Variants in TSPAN5 observed in about 807,000 individuals in gnomAD.
TSPAN5 encodes tetraspanin 5.
In TSPAN5, 10 loss-of-function variants were observed where a neutral mutation model predicts 37.1. The observed-to-expected ratio is 0.27, with a 90% CI of 0.17 to 0.46. The LOEUF (loss-of-function observed/expected upper bound fraction) is 0.46. Ranked by LOEUF, TSPAN5 falls within the 20% of genes least tolerant of loss-of-function variation. The probability of loss-of-function intolerance (pLI) is 1.00; values close to 1 mark genes in which losing one functional copy is unlikely to be tolerated. For synonymous variants in TSPAN5, 110 were observed against 118.9 expected, an observed-to-expected ratio of 0.93 and a Z score of 0.48; for missense variants, 195 against 326.6, an observed-to-expected ratio of 0.60 and a Z score of 3.11.
At chr4:98,627,024 A>G (rs1756619375) in intron 1 of TSPAN5, among the ~76,000 whole-genome samples, 1 of 151,848 alleles carries the variant, frequency 6.6e-6, no homozygotes, top group Non-Finnish European at 1.5e-5. Context: ...TACTTGATTA[A>G]TGAAGCATTG....
intron 1 of TSPAN5, among the ~76,000 whole-genome samples, chr4:98,510,542 GT>G (rs796963461): frequency 3.9e-4 from 60 of 152,216 alleles, no homozygotes; most frequent in African/African-American, 1.4e-3. Context: ...TTTAAATAAA[GT>G]TTTCGTCTCT....
At chr4:98,629,066 A>G (rs1756682043) in intron 1 of TSPAN5, among the ~76,000 whole-genome samples, 1 of 152,220 alleles carries the variant, frequency 6.6e-6, no homozygotes, top group Non-Finnish European at 1.5e-5. Flanking sequence ...ATAGTTATTT[A>G]TGTATATGTT....
At chr4:98,567,374 G>A (rs1209941016) in intron 1 of TSPAN5, among the ~76,000 whole-genome samples, 3 of 152,110 alleles carry the variant, frequency 2.0e-5, no homozygotes, top group Non-Finnish European at 4.4e-5. Flanking sequence ...TAATTAAAAT[G>A]TATGTGCCCA....
At chr4:98,474,075 T>A (rs189325801) in intron 7 of TSPAN5, among the ~76,000 whole-genome samples, 137 of 152,384 alleles carry the variant, frequency 9.0e-4, no homozygotes, top group Admixed American at 2.3e-3. Flanking sequence ...ATTTGTTTCA[T>A]TGCTTATGCT....
At chr4:98,619,753 G>A (rs988728519) in intron 1 of TSPAN5, among the ~76,000 whole-genome samples, 2 of 152,162 alleles carry the variant, frequency 1.3e-5, no homozygotes, top group African/African-American at 4.8e-5. Flanking sequence ...CAATAGAAAT[G>A]TATTTCTCAC....
At chr4:98,500,214 GAATCA>G (rs1309642943) in intron 2 of TSPAN5, 4 of 152,076 alleles carry the variant, frequency 2.6e-5, no homozygotes, top group Non-Finnish European at 4.4e-5. Context: ...TGACATTCCT[GAATCA>G]ATGAATCTCA....
At chr4:98,477,799 C>T (rs576055390) in intron 5 of TSPAN5, among the ~76,000 whole-genome samples, 12 of 151,800 alleles carry the variant, frequency 7.9e-5, no homozygotes, top group East Asian at 1.9e-4. Flanking sequence ...GATGGGACCA[C>T]GGGTGTGTGC....
intron 1 of TSPAN5, among the ~76,000 whole-genome samples, chr4:98,641,608 A>G (rs1168194033): frequency 1.3e-5 from 2 of 152,242 alleles, no homozygotes; most frequent in African/African-American, 4.8e-5. Flanking sequence ...AACCAAATAC[A>G]GTCAAAGTGC....
intron 1 of TSPAN5, among the ~76,000 whole-genome samples, chr4:98,621,786 C>T (rs1756486266): frequency 6.6e-6 from 1 of 150,446 alleles, no homozygotes; most frequent in African/African-American, 2.4e-5. Flanking sequence ...GACCTCATTC[C>T]CACCCCCCCC....
At chr4:98,515,622 G>A (rs1445302150) in intron 1 of TSPAN5, among the ~76,000 whole-genome samples, 1 of 152,068 alleles carries the variant, frequency 6.6e-6, no homozygotes, top group Non-Finnish European at 1.5e-5. Flanking sequence ...GGATTATGGA[G>A]GAGTGATGTG....
chr4:98,472,652 TC>T (rs1752615249), intron 7 of TSPAN5, 65 bp from the exon 8 acceptor site: 1 of 1,372,354 alleles, frequency 7.3e-7, no homozygotes, highest in Non-Finnish European at 1.0e-6. Flanking sequence ...GGCCACTGTG[TC>T]CCATTTTTTT....
chr4:98,539,400 C>T (rs903460443), intron 1 of TSPAN5, among the ~76,000 whole-genome samples: 4 of 152,118 alleles, frequency 2.6e-5, no homozygotes, highest in Non-Finnish European at 5.9e-5. Flanking sequence ...AATGTCAGGA[C>T]CAAGGCGCAT....
intron 1 of TSPAN5, among the ~76,000 whole-genome samples, chr4:98,577,566 C>T (rs375094208): frequency 1.3e-5 from 2 of 152,176 alleles, no homozygotes; most frequent in South Asian, 2.1e-4. Flanking sequence ...TATTTTGGAC[C>T]TGTACTGTAT....
intron 5 of TSPAN5, 144 bp from the exon 6 acceptor site, chr4:98,476,604 T>G: frequency 1.4e-6 from 1 of 695,026 alleles, no homozygotes. Flanking sequence ...AAACACTTTA[T>G]ATACATGATC....
chr4:98,552,127 A>C (rs999519590), intron 1 of TSPAN5, among the ~76,000 whole-genome samples: 1 of 150,890 alleles, frequency 6.6e-6, no homozygotes, highest in East Asian at 1.9e-4. Flanking sequence ...GTGGTTTATC[A>C]ATTTTGTTTA....
intron 1 of TSPAN5, among the ~76,000 whole-genome samples, chr4:98,541,894 T>A (rs913157474): frequency 2.0e-5 from 3 of 152,142 alleles, no homozygotes; most frequent in African/African-American, 7.2e-5. Context: ...ATGGAGAGTA[T>A]TTCAGAAGTC....
At chr4:98,657,372 C>CA (rs1354197691) in intron 1 of TSPAN5, among the ~76,000 whole-genome samples, 9 of 117,332 alleles carry the variant, frequency 7.7e-5, no homozygotes, top group Admixed American at 4.2e-4. Flanking sequence ...TGCATTTCTA[C>CA]AAAGGTTCCC....
At chr4:98,639,233 T>C (rs1312244901) in intron 1 of TSPAN5, among the ~76,000 whole-genome samples, 1 of 152,200 alleles carries the variant, frequency 6.6e-6, no homozygotes, top group Non-Finnish European at 1.5e-5. Flanking sequence ...CTCAATGTCA[T>C]GGGTTACAAA....
chr4:98,563,405 G>C (rs1028799963), intron 1 of TSPAN5, among the ~76,000 whole-genome samples: 2 of 152,156 alleles, frequency 1.3e-5, no homozygotes, highest in African/African-American at 2.4e-5. Context: ...GGTCTTAACA[G>C]ATTGTGTTAA....
Sources: gnomAD v4.1 joint callset for allele counts (sites outside exome capture counted in the v4.1 genomes callset) on GRCh38, gnomAD v4.1.1 for gene constraint, MANE v1.5 for transcripts, NCBI Gene and HGNC (gene_info 2026-07-23, HGNC 2026-07-21) for gene names.